Variants in NEGR1 observed in about 807,000 individuals in gnomAD.
The protein encoded by NEGR1 is IgLON family member 4.
Under a neutral mutation model 40.9 loss-of-function variants are expected in NEGR1, and 10 were observed. The observed-to-expected ratio is 0.24, with a 90% confidence interval of 0.15 to 0.42. The LOEUF is 0.42. NEGR1 is among the 10% of genes least tolerant of loss of function. NEGR1 has a pLI of 1.00. For missense variants in NEGR1, 352 were observed against 438.9 expected, an observed-to-expected ratio of 0.80 and a Z score of 1.77; for synonymous variants, 185 against 166.8, an observed-to-expected ratio of 1.11 and a Z score of -0.84.
chr1:72,105,792 C>T (rs566574448), intron 1 of NEGR1, among the ~76,000 whole-genome samples: 2 of 151,530 alleles, frequency 1.3e-5, no homozygotes, highest in South Asian at 4.2e-4. Context: ...GTTTCATAGT[C>T]AAGAAAGGGA....
intron 6 of NEGR1, among the ~76,000 whole-genome samples, chr1:71,458,069 T>C (rs939694724): frequency 6.6e-6 from 1 of 152,188 alleles, no homozygotes; most frequent in Non-Finnish European, 1.5e-5. Flanking sequence ...CACACAGATA[T>C]ACAAGTCTTT....
At chr1:71,689,215 T>C (rs1653168864) in intron 4 of NEGR1, among the ~76,000 whole-genome samples, 1 of 152,186 alleles carries the variant, frequency 6.6e-6, no homozygotes, top group East Asian at 1.9e-4. Context: ...AAAGCAAAAG[T>C]CTGAGATTAT....
intron 1 of NEGR1, among the ~76,000 whole-genome samples, chr1:72,058,243 T>C (rs1470282289): frequency 4.0e-5 from 6 of 151,546 alleles, no homozygotes; most frequent in Admixed American, 3.3e-4. Context: ...ATAAATATTC[T>C]AAATGTATCT....
At position 71,612,494 on chromosome 1, in the gene NEGR1, C is replaced by T. The variant is rs75933417; in HGVS notation, c.668-1348G>A. 7.3e-3 allele frequency among the ~76,000 whole-genome samples: 1,117 copies of T among 152,084 alleles called. 20 individuals are homozygous for T. Among genetic ancestry groups the T allele is most frequent in the South Asian group, 0.053 (257 of 4,826 alleles). ...GGAACAAAGCAGTAAATTGCCCTGA[C>T]GTGATGAAGCTTATATTCTAGATGG... On this transcript the variant is annotated intron_variant, in intron 4 of 6. Coordinates refer to ENST00000357731, the MANE Select transcript of NEGR1 (RefSeq NM_173808.3).
intron 6 of NEGR1, among the ~76,000 whole-genome samples, chr1:71,533,982 T>A (rs539763723): frequency 6.6e-6 from 1 of 151,814 alleles, no homozygotes; most frequent in Admixed American, 6.6e-5. Context: ...GGAAATTCTA[T>A]AATAGTAAGA....
chr1:71,920,268 A>AT, intron 2 of NEGR1, among the ~76,000 whole-genome samples: 1 of 152,132 alleles, frequency 6.6e-6, no homozygotes, highest in Non-Finnish European at 1.5e-5. Context: ...TTCTTATTCC[A>AT]TTTTATGGAA....
At chr1:72,185,105 A>G (rs1246299577) in intron 1 of NEGR1, among the ~76,000 whole-genome samples, 2 of 151,956 alleles carry the variant, frequency 1.3e-5, no homozygotes, top group South Asian at 2.1e-4. Context: ...CACCTGGAAC[A>G]TGGCAGGTTA....
intron 2 of NEGR1, among the ~76,000 whole-genome samples, chr1:71,822,558 C>T (rs1392867720): frequency 6.6e-6 from 1 of 151,914 alleles, no homozygotes; most frequent in Non-Finnish European, 1.5e-5. Context: ...GTCCAACTGC[C>T]CCCAACAAGC....
At chr1:71,475,143 A>G (rs182975636) in intron 6 of NEGR1, among the ~76,000 whole-genome samples, 18 of 152,254 alleles carry the variant, frequency 1.2e-4, no homozygotes, top group Admixed American at 9.8e-4. Context: ...AGAGACTGGA[A>G]GCAAATAATA....
At chr1:72,138,095 A>G (rs993899519) in intron 1 of NEGR1, among the ~76,000 whole-genome samples, 1 of 152,172 alleles carries the variant, frequency 6.6e-6, no homozygotes, top group African/African-American at 2.4e-5. Context: ...ATTATAACAA[A>G]TGGAAATACA....
intron 1 of NEGR1, among the ~76,000 whole-genome samples, chr1:72,163,805 AAATAT>A (rs1434737433): frequency 6.6e-6 from 1 of 151,988 alleles, no homozygotes; most frequent in Non-Finnish European, 1.5e-5. Flanking sequence ...TAGAAAGTAG[AAATAT>A]AATATTAAAT....
intron 2 of NEGR1, among the ~76,000 whole-genome samples, chr1:71,786,279 C>T (rs1363992502): frequency 6.6e-6 from 1 of 151,868 alleles, no homozygotes; most frequent in Non-Finnish European, 1.5e-5. Flanking sequence ...TTATTTTTGT[C>T]TTTTTATTCA....
At chr1:72,034,944 C>T (rs1569856118) in intron 1 of NEGR1, among the ~76,000 whole-genome samples, 1 of 152,194 alleles carries the variant, frequency 6.6e-6, no homozygotes, top group East Asian at 1.9e-4. Flanking sequence ...CAGGTACATT[C>T]AATATGGCAG....
intron 1 of NEGR1, among the ~76,000 whole-genome samples, chr1:71,938,447 C>G (rs543239393): frequency 1.0e-4 from 12 of 119,582 alleles, no homozygotes; most frequent in African/African-American, 3.2e-4. Flanking sequence ...TATAAAGATT[C>G]CTTGAGAATA....
intron 1 of NEGR1, among the ~76,000 whole-genome samples, chr1:71,941,029 A>T (rs1228065111): frequency 2.0e-5 from 3 of 152,174 alleles, no homozygotes; most frequent in Admixed American, 2.0e-4. Context: ...GCACCAATTA[A>T]TAAAAAATAA....
intron 5 of NEGR1, among the ~76,000 whole-genome samples, chr1:71,608,495 CTTT>C (rs5775073): frequency 7.2e-6 from 1 of 138,648 alleles, no homozygotes. Context: ...ATTACTGTAG[CTTT>C]TTTTTTTTTT....
intron 2 of NEGR1, among the ~76,000 whole-genome samples, chr1:71,922,892 C>T (rs1645733642): frequency 6.6e-6 from 1 of 152,062 alleles, no homozygotes; most frequent in South Asian, 2.1e-4. Flanking sequence ...AGTTCATATG[C>T]TTTATAAATA....
intron 1 of NEGR1, among the ~76,000 whole-genome samples, chr1:72,022,655 G>A (rs1402801392): frequency 6.6e-6 from 1 of 151,776 alleles, no homozygotes; most frequent in Non-Finnish European, 1.5e-5. Context: ...ATTTTCTTCT[G>A]AACATGACCC....
At chr1:71,668,936 T>C (rs1392389005) in intron 4 of NEGR1, among the ~76,000 whole-genome samples, 1 of 150,610 alleles carries the variant, frequency 6.6e-6, no homozygotes, top group Admixed American at 6.6e-5. Flanking sequence ...TAATTCCTGA[T>C]TTTTTTTGGT....
Sources: gnomAD v4.1 joint callset for allele counts (sites outside exome capture counted in the v4.1 genomes callset) on GRCh38, gnomAD v4.1.1 for gene constraint, MANE v1.5 for transcripts, NCBI Gene and HGNC (gene_info 2026-07-23, HGNC 2026-07-21) for gene names.